The following CAMSAP1 variants were observed in gnomAD, a reference collection of about 807,000 sequenced individuals.
CAMSAP1 encodes the protein calmodulin-regulated spectrin-associated protein 1.
Under a neutral mutation model 143.5 loss-of-function variants are expected in CAMSAP1, and 58 were observed. The ratio of observed to expected loss-of-function variants is 0.40; its 90% CI spans 0.33 to 0.50. The LOEUF (loss-of-function observed/expected upper bound fraction) is 0.50, where lower values mean the gene tolerates loss of function less well. Ranked by LOEUF, CAMSAP1 falls within the 20% of genes least tolerant of loss-of-function variation. The probability of loss-of-function intolerance (pLI) is 0.45; values close to 1 mark genes in which losing one functional copy is unlikely to be tolerated. For missense variants in CAMSAP1, 1,969 were observed against 2,115.7 expected, an observed-to-expected ratio of 0.93 and a Z score of 1.36; for synonymous variants, 945 against 859.3, an observed-to-expected ratio of 1.10 and a Z score of -1.74.
chr9:135,891,812 T>C (rs1189179762), intron 1 of CAMSAP1, among the ~76,000 whole-genome samples: 2 of 152,150 alleles, frequency 1.3e-5, no homozygotes, highest in Non-Finnish European at 2.9e-5. Flanking sequence ...AGCTACACTC[T>C]CTTAAAATAT....
In CAMSAP1 at chr9:135,824,175, C is replaced by T. The variant is rs1835590467; in HGVS notation, c.1316-141G>A. On this transcript the variant is annotated intron_variant, in intron 9 of 16. Coordinates refer to ENST00000389532, the MANE Select transcript of CAMSAP1 (RefSeq NM_015447.4). This position sits in a 1 kb window ranked among gnomAD's most constrained non-coding sequence, Gnocchi z 4.1. ...CGCATGGAAAGCAGAGAGGCAAAAC[C>T]ATACAGTTGTCCCACATTTTGATGG... is the stretch of plus-strand genomic sequence containing the variant. 1.4e-6 allele frequency: 1 copy of T among 695,382 alleles called. No homozygotes were observed. The highest frequency in any genetic ancestry group is 1.8e-5 in the African/African-American group (1 of 56,600). 43.1% of individuals were successfully genotyped at this position (695,382 alleles called of 1,614,324 possible).
intron 3 of CAMSAP1, among the ~76,000 whole-genome samples, chr9:135,879,333 A>C (rs1051992647): frequency 6.6e-6 from 1 of 152,226 alleles, no homozygotes; most frequent in Non-Finnish European, 1.5e-5. Flanking sequence ...CAACAGCCTG[A>C]AAAGTCACTT....
chr9:135,893,851 TC>T (rs774044647), intron 1 of CAMSAP1, among the ~76,000 whole-genome samples: 12 of 152,158 alleles, frequency 7.9e-5, no homozygotes, highest in Non-Finnish European at 1.6e-4. Context: ...CACTTGTCTC[TC>T]CCTGTTCCTC....
chr9:135,850,983 T>G lies in CAMSAP1; in HGVS notation c.809-522A>C, dbSNP rs186665126. On this transcript the variant is annotated intron_variant, in intron 5 of 16. Coordinates refer to ENST00000389532, the MANE Select transcript of CAMSAP1 (RefSeq NM_015447.4). ...AATGCATAGCCCAAGTCTCTTTCCA[T>G]GAAGAGGTGGAGACTGGTGGCTATA... Among the ~76,000 whole-genome samples, 4 of 152,348 alleles carry G rather than the reference T, an allele frequency of 2.6e-5. No individual in the cohort carries two copies. The East Asian group carries it at 7.7e-4, about 29-fold the overall frequency.
chr9:135,860,773 C>T (rs1837160191), intron 5 of CAMSAP1, among the ~76,000 whole-genome samples: 1 of 152,138 alleles, frequency 6.6e-6, no homozygotes, highest in African/African-American at 2.4e-5. Flanking sequence ...GGTGCCAAAT[C>T]AGCTGCAGTG....
In CAMSAP1 at chr9:135,822,731, G is replaced by A. The variant is rs766616175; in HGVS notation, c.1930C>T (p.Arg644Cys). Residue 644 changes from arginine (R) to cysteine (C), a missense_variant, in exon 11 of 17, where the codon CGC becomes TGC. Physicochemically the swap from Arg to Cys is radical, Grantham distance 180 (BLOSUM62 -3). Transcript: ENST00000389532. This position sits in a 1 kb window ranked among gnomAD's most constrained non-coding sequence, Gnocchi z 6.1. ...PLVRRKMTGSRDLNRTFTPIP... is the reference protein window; with the variant it reads ...PLVRRKMTGSCDLNRTFTPIP... ...GGGGTAAAAGTCCTATTCAAGTCGC[G>A]ACTGCCAGTCATTTTCCTTCGTACC... 5 of 1,612,538 alleles carry A rather than the reference G, an allele frequency of 3.1e-6. No individual in the cohort carries two copies. The highest frequency in any genetic ancestry group is 1.7e-5 in the Admixed American group (1 of 59,852).
intron 1 of CAMSAP1, among the ~76,000 whole-genome samples, chr9:135,899,133 T>C (rs1407232180): frequency 2.6e-5 from 4 of 152,124 alleles, no homozygotes; most frequent in African/African-American, 9.7e-5. Flanking sequence ...AAGCCCTGGG[T>C]GGGTCCTGCC....
intron 11 of CAMSAP1, among the ~76,000 whole-genome samples, 164 bp from the exon 12 acceptor site, chr9:135,819,310 A>G (rs1449907703): frequency 1.3e-5 from 2 of 152,230 alleles, no homozygotes; most frequent in Admixed American, 1.3e-4. Flanking sequence ...ACGAATGAAG[A>G]CAAACCAGGG....
chr9:135,868,405 G>T (rs966521068), intron 3 of CAMSAP1, among the ~76,000 whole-genome samples: 6 of 152,002 alleles, frequency 3.9e-5, no homozygotes, highest in African/African-American at 1.5e-4. Flanking sequence ...ATTCACATTT[G>T]CAAACATGTT....
In CAMSAP1 at chr9:135,811,630, G is replaced by A. The variant is rs7042455; in HGVS notation, c.4507-19C>T. On this transcript the variant is annotated intron_variant, in intron 16 of 16. Coordinates refer to ENST00000389532, the MANE Select transcript of CAMSAP1 (RefSeq NM_015447.4). The surrounding 1 kb of genome is among the most constrained non-coding windows in gnomAD (Gnocchi z 4.9). ...CCAGCTCCTGTGCAGAGAGAGAAAA[G>A]GGGAAGAGACAAACACTTCAGGGCC... is the stretch of plus-strand genomic sequence containing the variant. 5.8e-6 allele frequency: 9 copies of A among 1,564,380 alleles called. No homozygotes were observed. In the South Asian group the frequency reaches 1.1e-4, roughly 18 times the overall value.
intron 1 of CAMSAP1, among the ~76,000 whole-genome samples, chr9:135,899,652 G>A (rs535202774): frequency 1.2e-4 from 18 of 151,866 alleles, no homozygotes; most frequent in African/African-American, 1.7e-4. Flanking sequence ...GTCTAATTTC[G>A]CCTTCCAACT....
intron 7 of CAMSAP1, among the ~76,000 whole-genome samples, chr9:135,833,971 A>G (rs1425052076): frequency 6.6e-6 from 1 of 152,222 alleles, no homozygotes; most frequent in African/African-American, 2.4e-5. Flanking sequence ...AAAAATACAA[A>G]TAACCCAAAT....
chr9:135,887,387 G>A (rs1376736362), intron 1 of CAMSAP1, among the ~76,000 whole-genome samples: 8 of 152,250 alleles, frequency 5.3e-5, no homozygotes, highest in African/African-American at 1.9e-4. Context: ...AACTGGTGAA[G>A]AGACAGCCGC....
chr9:135,888,241 G>A (rs1838185920), intron 1 of CAMSAP1, among the ~76,000 whole-genome samples: 1 of 152,250 alleles, frequency 6.6e-6, no homozygotes, highest in Admixed American at 6.5e-5. Flanking sequence ...ATGCACACGG[G>A]AGTCTCAGCT....
chr9:135,889,279 A>G (rs181055162), intron 1 of CAMSAP1, among the ~76,000 whole-genome samples: 1 of 152,234 alleles, frequency 6.6e-6, no homozygotes, highest in Non-Finnish European at 1.5e-5. Context: ...AACCAAAACC[A>G]ACACCTCAGG....
Position 135,822,925 on chromosome 9 carries a change from T to C in CAMSAP1, c.1736A>G (p.Gln579Arg). The change falls in exon 11 of 17, where the codon CAG becomes CGG. Residue 579 changes from glutamine (Q) to arginine (R), a missense_variant. Transcript: ENST00000389532. The surrounding 1 kb of genome is among the most constrained non-coding windows in gnomAD (Gnocchi z 6.1). ...LTANARSPQG[Q>R]LDTSESKPDS... Reference sequence around the variant, plus strand: ...AGGCTTACTTTCCGAGGTGTCCAGCTGTCCTTGGGGAGACCGGGCATTTGC... The same window carrying C: ...AGGCTTACTTTCCGAGGTGTCCAGCCGTCCTTGGGGAGACCGGGCATTTGC... 1.2e-6 allele frequency: 2 copies of C among 1,613,956 alleles called. No individual in the cohort carries two copies. The highest frequency in any genetic ancestry group is 1.7e-6 in the Non-Finnish European group (2 of 1,179,884).
At chr9:135,816,194 A>G (rs1345958796) in intron 14 of CAMSAP1, among the ~76,000 whole-genome samples, 189 bp from the exon 15 acceptor site, 1 of 152,210 alleles carries the variant, frequency 6.6e-6, no homozygotes, top group East Asian at 1.9e-4. Context: ...ATACAAAAGC[A>G]AACACTTCAG....
intron 7 of CAMSAP1, among the ~76,000 whole-genome samples, chr9:135,841,034 G>A (rs1187964309): frequency 2.0e-5 from 3 of 152,140 alleles, no homozygotes; most frequent in African/African-American, 7.2e-5. Context: ...CTGAAGTCAG[G>A]GAGGCAAGTG....
chr9:135,897,298 A>G (rs1376576083), intron 1 of CAMSAP1, among the ~76,000 whole-genome samples: 1 of 151,938 alleles, frequency 6.6e-6, no homozygotes, highest in Non-Finnish European at 1.5e-5. Flanking sequence ...GACTACAGGC[A>G]CACAGCCACC....
Sources: allele counts gnomAD v4.1 joint callset (sites outside exome capture counted in the v4.1 genomes callset), GRCh38; gene constraint gnomAD v4.1.1; non-coding constraint Gnocchi (gnomAD v3.1); transcripts MANE v1.5; gene names NCBI Gene and HGNC (gene_info 2026-07-23, HGNC 2026-07-21).